EBF2: variants seen among roughly 807,000 people sequenced by gnomAD.
The protein encoded by EBF2 is EBF transcription factor 2, also known as transcription factor COE2.
Under a neutral mutation model 72.8 loss-of-function variants are expected in EBF2, and 21 were observed. That is an observed-to-expected ratio of 0.29 (90% CI 0.20 to 0.42). EBF2 has a LOEUF of 0.42. Ranked by LOEUF, EBF2 falls within the 10% of genes least tolerant of loss-of-function variation. The pLI, the probability that EBF2 is intolerant of heterozygous loss-of-function variation, is 1.00. For missense variants in EBF2, 637 were observed against 731.2 expected (o/e 0.87, Z 1.49); for synonymous variants, 299 against 274.2 (o/e 1.09, Z -0.89).
chr8:25,898,096 A>T (rs1477753700), intron 7 of EBF2, among the ~76,000 whole-genome samples: 1 of 152,192 alleles, frequency 6.6e-6, no homozygotes, highest in African/African-American at 2.4e-5. Context: ...CATAGCAAAC[A>T]CTAGACATAA....
chr8:25,867,911 C>A (rs1350089846), intron 10 of EBF2, among the ~76,000 whole-genome samples: 2 of 152,166 alleles, frequency 1.3e-5, no homozygotes, highest in African/African-American at 2.4e-5. Context: ...TCCATTTCAT[C>A]AAGATTGTTA....
intron 6 of EBF2, among the ~76,000 whole-genome samples, chr8:25,978,713 G>C (rs1401865065): frequency 6.6e-6 from 1 of 152,170 alleles, no homozygotes; most frequent in Non-Finnish European, 1.5e-5. Context: ...TTTGCCCAAG[G>C]AAACATAACC....
At chr8:25,886,689 G>A in intron 10 of EBF2, 66 bp downstream of exon 10, 1 of 1,526,268 alleles carries the variant, frequency 6.6e-7, no homozygotes, top group East Asian at 2.3e-5. Flanking sequence ...ACAAAGTGCA[G>A]ATACTGGGAA....
At chr8:25,904,691 C>A (rs1197883726) in intron 7 of EBF2, among the ~76,000 whole-genome samples, 1 of 152,154 alleles carries the variant, frequency 6.6e-6, no homozygotes, top group Non-Finnish European at 1.5e-5. Flanking sequence ...GTCCTACCAC[C>A]ATGAGTATGC....
chr8:25,938,163 G>A lies in EBF2; in HGVS notation c.552-29608C>T, dbSNP rs553949296. On this transcript the variant is annotated intron_variant, in intron 6 of 15. Coordinates refer to ENST00000520164, the MANE Select transcript of EBF2 (RefSeq NM_022659.4). ...GACAGTTGATGGACAGATGAATTCC[G>A]TCATGGAAGCGTTAGTGGAAAGCAG... 1.2e-4 allele frequency among the ~76,000 whole-genome samples: 18 copies of A among 152,150 alleles called. No homozygotes were observed. The East Asian group carries it at 1.9e-3, about 16-fold the overall frequency.
At chr8:25,934,102 T>C (rs1803532053) in intron 6 of EBF2, among the ~76,000 whole-genome samples, 2 of 152,132 alleles carry the variant, frequency 1.3e-5, no homozygotes, top group Non-Finnish European at 2.9e-5. Context: ...GACTTAAAGC[T>C]TCACTGCCTT....
intron 6 of EBF2, among the ~76,000 whole-genome samples, chr8:25,952,993 C>G (rs890625891): frequency 2.0e-5 from 3 of 152,126 alleles, no homozygotes; most frequent in Non-Finnish European, 4.4e-5. Context: ...GATGTTAGAA[C>G]AGAAAAACAA....
intron 6 of EBF2, among the ~76,000 whole-genome samples, chr8:26,023,234 C>T (rs1227517876): frequency 6.6e-6 from 1 of 152,182 alleles, no homozygotes; most frequent in African/African-American, 2.4e-5. Flanking sequence ...TCCCAGGCTC[C>T]ACGACCTTTG....
chr8:26,003,232 G>A (rs1019952682), intron 6 of EBF2, among the ~76,000 whole-genome samples: 7 of 152,204 alleles, frequency 4.6e-5, no homozygotes, highest in African/African-American at 1.4e-4. Flanking sequence ...CTGAGCCTCT[G>A]GAAAAACTTG....
rs181655733 is a variant in EBF2 at position 25,999,019 on chromosome 8, T to G, written c.551+34066A>C. Among the ~76,000 whole-genome samples the G allele has an allele frequency of 3.2e-3, 486 of 152,282 alleles. 15 individuals are homozygous for G. Among genetic ancestry groups the G allele is most frequent in the Admixed American group, 0.028 (432 of 15,292 alleles). On this transcript the variant is annotated intron_variant, in intron 6 of 15. Transcript: ENST00000520164. ...AAAGATTGACATGTGGCCAATTTCT[T>G]GTAGAAGAGCTGGAGAAGAAAGAGA...
chr8:25,915,586 C>T (rs1028721300), intron 6 of EBF2, among the ~76,000 whole-genome samples: 2 of 146,944 alleles, frequency 1.4e-5, no homozygotes, highest in African/African-American at 5.0e-5. Flanking sequence ...GATGGCATAG[C>T]CCAAATAGCT....
intron 14 of EBF2, among the ~76,000 whole-genome samples, chr8:25,852,468 C>T (rs1802001944): frequency 6.6e-6 from 1 of 152,224 alleles, no homozygotes; most frequent in South Asian, 2.1e-4. Flanking sequence ...TCCTCTCAGA[C>T]ATCATCATTG....
At position 25,869,152 on chromosome 8, in the gene EBF2, T is replaced by C. The variant is rs143707730; in HGVS notation, c.1010-6355A>G. Reference sequence around the variant, plus strand: ...TTGATTCAATTCTCCTGCAGTCAGGTGCTATCAATAAGAATAAGAGTTAAA... The same window carrying C: ...TTGATTCAATTCTCCTGCAGTCAGGCGCTATCAATAAGAATAAGAGTTAAA... On this transcript the variant is annotated intron_variant, in intron 10 of 15. Transcript: ENST00000520164. Among the ~76,000 whole-genome samples, 31 of 152,314 alleles carry C rather than the reference T, an allele frequency of 2.0e-4. No individual in the cohort carries two copies. In the East Asian group the frequency reaches 3.5e-3, roughly 17 times the overall value.
At chr8:26,024,458 A>T (rs1326363418) in intron 6 of EBF2, among the ~76,000 whole-genome samples, 1 of 152,184 alleles carries the variant, frequency 6.6e-6, no homozygotes, top group African/African-American at 2.4e-5. Context: ...CCATGGCATA[A>T]TAGGCCCTTG....
chr8:25,953,717 G>C (rs1034111454), intron 6 of EBF2, among the ~76,000 whole-genome samples: 2 of 152,184 alleles, frequency 1.3e-5, no homozygotes, highest in African/African-American at 4.8e-5. Flanking sequence ...AAAGGCTGTG[G>C]AGACTCCTTC....
At chr8:25,990,149 T>G (rs894206293) in intron 6 of EBF2, among the ~76,000 whole-genome samples, 18 of 151,676 alleles carry the variant, frequency 1.2e-4, no homozygotes, top group Middle Eastern at 3.5e-3. Context: ...AAAAATGTCC[T>G]TATACATCTG....
chr8:25,931,838 A>G (rs142620358), intron 6 of EBF2, among the ~76,000 whole-genome samples: 2 of 152,262 alleles, frequency 1.3e-5, no homozygotes, highest in Non-Finnish European at 2.9e-5. Context: ...CAAACATACA[A>G]CTTCCCATCA....
intron 15 of EBF2, among the ~76,000 whole-genome samples, chr8:25,845,779 T>C (rs1280655659): frequency 6.6e-6 from 1 of 152,216 alleles, no homozygotes; most frequent in East Asian, 1.9e-4. Context: ...ATAGTTTCCA[T>C]GCATCAGAAC....
intron 7 of EBF2, 43 bp from the exon 8 acceptor site, chr8:25,889,912 T>G (rs149776148): frequency 6.4e-7 from 1 of 1,552,180 alleles, no homozygotes; most frequent in East Asian, 2.2e-5. Flanking sequence ...TGCAGTGGAA[T>G]TAGTTTCACA....
Sources: allele counts gnomAD v4.1 joint callset (sites outside exome capture counted in the v4.1 genomes callset), GRCh38; gene constraint gnomAD v4.1.1; transcripts MANE v1.5; gene names NCBI Gene and HGNC (gene_info 2026-07-23, HGNC 2026-07-21).